SLC47A1: variants seen among roughly 807,000 people sequenced by gnomAD.
SLC47A1 encodes multidrug and toxin extrusion protein 1.
Under a neutral mutation model 65.8 loss-of-function variants are expected in SLC47A1, and 58 were observed. That is an observed-to-expected ratio of 0.88 (90% CI 0.71 to 1.10). The LOEUF is 1.10. Among genes scored for constraint, SLC47A1 ranks in the 50% least tolerant of loss-of-function variants. The pLI is 0.00. For synonymous variants in SLC47A1, 285 were observed against 295.0 expected, an observed-to-expected ratio of 0.97 and a Z score of 0.35; for missense variants, 706 against 719.2, an observed-to-expected ratio of 0.98 and a Z score of 0.21.
chr17:19,569,222 A>G (rs2084381601), intron 14 of SLC47A1, among the ~76,000 whole-genome samples: 1 of 151,808 alleles, frequency 6.6e-6, no homozygotes, highest in South Asian at 2.1e-4. Context: ...AAATACAAAA[A>G]TTAGCCAGGT....
chr17:19,565,695 C>G (rs1313998193), intron 12 of SLC47A1, among the ~76,000 whole-genome samples: 1 of 149,368 alleles, frequency 6.7e-6, no homozygotes, highest in African/African-American at 2.5e-5. Context: ...ATTCTCCTGT[C>G]TCAGCCTCCC....
intron 12 of SLC47A1, among the ~76,000 whole-genome samples, chr17:19,565,783 A>G (rs888137740): frequency 4.0e-5 from 6 of 151,604 alleles, no homozygotes; most frequent in African/African-American, 9.7e-5. Context: ...GGGTTTCACC[A>G]TGTTAGCCAG....
rs775445562 is a variant in SLC47A1, at chr17:19,577,404, CGCCAAGAAGAACCTTT to C, written c.1568_1583del (p.Gln523ArgfsTer28). On this transcript the variant is annotated frameshift_variant, in exon 17 of 17. Transcript: ENST00000270570. LOFTEE classifies it low-confidence loss of function (END_TRUNC). ...CGAGCCTCAGTCAGATCAGCAGATG[CGCCAAGAAGAACCTTT>C]GCCGGAACATCCACAGGACGGCGCT... is the stretch of plus-strand genomic sequence containing the variant. 1 of 1,614,162 alleles carries C rather than the reference CGCCAAGAAGAACCTTT, an allele frequency of 6.2e-7. No homozygotes were observed. Among genetic ancestry groups the C allele is most frequent in the South Asian group, 1.1e-5 (1 of 91,084 alleles).
At chr17:19,550,221 A>C (rs1191589135) in intron 5 of SLC47A1, among the ~76,000 whole-genome samples, 7 of 152,208 alleles carry the variant, frequency 4.6e-5, no homozygotes, top group Non-Finnish European at 8.8e-5. Context: ...TCCTGGGCTC[A>C]AGCCATCATC....
At chr17:19,543,817 A>G (rs1195635214) in intron 2 of SLC47A1, among the ~76,000 whole-genome samples, 3 of 152,148 alleles carry the variant, frequency 2.0e-5, no homozygotes, top group Non-Finnish European at 4.4e-5. Context: ...TCCTGCCCTG[A>G]CGGAGACACA....
intron 16 of SLC47A1, among the ~76,000 whole-genome samples, chr17:19,573,912 G>A (rs2152317810): frequency 6.8e-6 from 1 of 147,644 alleles, no homozygotes; most frequent in African/African-American, 2.5e-5. Flanking sequence ...TACTTCTTCT[G>A]GTTCATGCTT....
At chr17:19,561,874 G>C (rs1457450855) in intron 12 of SLC47A1, among the ~76,000 whole-genome samples, 1 of 152,128 alleles carries the variant, frequency 6.6e-6, no homozygotes, top group Non-Finnish European at 1.5e-5. Flanking sequence ...TGGTTTCTTA[G>C]TATCGGCCAA....
chr17:19,534,004 G>A lies in SLC47A1; in HGVS notation c.65G>A (p.Gly22Glu), dbSNP rs748267094. Residue 22 changes from glycine to glutamate, a missense_variant, in exon 1 of 17, where the codon GGG becomes GAG. Physicochemically the swap from Gly to Glu is moderately conservative, Grantham distance 98. Transcript: ENST00000270570. Reference protein sequence around the residue: ...GGPEATLEVRGSRCLRLSAFR... With the variant: ...GGPEATLEVRESRCLRLSAFR... ...CCGGAGGCCACCCTTGAGGTCCGTGGGTCGCGCTGCTTGCGGCTGTCCGCC... is the reference window on the plus strand; with the variant it reads ...CCGGAGGCCACCCTTGAGGTCCGTGAGTCGCGCTGCTTGCGGCTGTCCGCC... The A allele has an allele frequency of 1.9e-6, 3 of 1,545,364 alleles. No individual in the cohort carries two copies. The highest frequency in any genetic ancestry group is 1.7e-6 in the Non-Finnish European group (2 of 1,146,900).
intron 2 of SLC47A1, among the ~76,000 whole-genome samples, chr17:19,545,635 G>A (rs1171958897): frequency 2.0e-5 from 3 of 152,076 alleles, no homozygotes; most frequent in African/African-American, 7.2e-5. Context: ...GGGACTACAG[G>A]AGCATGCCAC....
At chr17:19,574,250 C>T (rs1362413297) in intron 16 of SLC47A1, among the ~76,000 whole-genome samples, 1 of 152,032 alleles carries the variant, frequency 6.6e-6, no homozygotes, top group Non-Finnish European at 1.5e-5. Flanking sequence ...TTGGATGCAG[C>T]CCTTTGGGGT....
chr17:19,555,997 A>G lies in SLC47A1; in HGVS notation c.856A>G (p.Ile286Val), dbSNP rs781446068. The G allele has an allele frequency of 1.2e-6, 2 of 1,614,046 alleles. No individual in the cohort carries two copies. The highest frequency in any genetic ancestry group is 1.7e-6 in the Non-Finnish European group (2 of 1,180,034). The change falls in exon 10 of 17, where the codon ATC becomes GTC. Residue 286 changes from isoleucine (I) to valine (V), a missense_variant and splice_region_variant. Transcript: ENST00000270570. ...CGACAGCTGTCTTTCTTCACCAGGC[A>G]TCCTCGGCATGGTGGAGCTGGGCGC... is the stretch of plus-strand genomic sequence containing the variant. ...AYEVGSFLSG[I>V]LGMVELGAQS... is the part of the protein sequence containing the mutation.
chr17:19,577,439 C>T lies in SLC47A1; in HGVS notation c.1599C>T (p.Asp533=), dbSNP rs780026703. ...QEEPLPEHPQ[D]GAKLSRKQLV... The stretch of plus-strand genomic sequence containing the variant: ...AACCTTTGCCGGAACATCCACAGGA[C>T]GGCGCTAAATTGTCCAGGAAACAGC... Residue 533 remains aspartate, a synonymous_variant, in exon 17 of 17, where the codon GAC becomes GAT. Coordinates refer to ENST00000270570, the MANE Select transcript of SLC47A1 (RefSeq NM_018242.3). 6 of 1,614,050 alleles carry T rather than the reference C, an allele frequency of 3.7e-6. No individual in the cohort carries two copies. Among genetic ancestry groups the T allele is most frequent in the Non-Finnish European group, 4.2e-6 (5 of 1,180,044 alleles).
At chr17:19,573,920 C>CT (rs397856610) in intron 16 of SLC47A1, among the ~76,000 whole-genome samples, 5,095 of 122,344 alleles carry the variant, frequency 0.042, 246 homozygotes, top group African/African-American at 0.12. Context: ...CTGGTTCATG[C>CT]TTTTTTTTTT....
At chr17:19,553,440 C>T (rs932387216) in intron 6 of SLC47A1, among the ~76,000 whole-genome samples, 4 of 152,106 alleles carry the variant, frequency 2.6e-5, no homozygotes, top group African/African-American at 7.2e-5. Flanking sequence ...GTCACATCCT[C>T]GACTCCATCT....
chr17:19,568,853 A>G (rs2084378838), intron 14 of SLC47A1, among the ~76,000 whole-genome samples: 1 of 151,766 alleles, frequency 6.6e-6, no homozygotes, highest in Admixed American at 6.6e-5. Flanking sequence ...CTCTACTTCT[A>G]TGAGTTCAAC....
At chr17:19,545,523 C>T (rs1480453983) in intron 2 of SLC47A1, among the ~76,000 whole-genome samples, 1 of 146,732 alleles carries the variant, frequency 6.8e-6, no homozygotes, top group East Asian at 2.0e-4. Flanking sequence ...CAGGGTCTCA[C>T]TCCATTGCCC....
chr17:19,575,422 AGG>A (rs2084432419), intron 16 of SLC47A1, among the ~76,000 whole-genome samples: 1 of 113,724 alleles, frequency 8.8e-6, no homozygotes, highest in Non-Finnish European at 1.8e-5. Context: ...TTTTTGAGAT[AGG>A]GTCTTGTTCT....
chr17:19,548,164 G>T, intron 4 of SLC47A1, 31 bp downstream of exon 4: 2 of 1,595,794 alleles, frequency 1.3e-6, no homozygotes, highest in South Asian at 2.2e-5. Flanking sequence ...GCGGGACTTG[G>T]CGTCCATCCC....
intron 3 of SLC47A1, among the ~76,000 whole-genome samples, chr17:19,547,627 T>G (rs992559574): frequency 6.6e-6 from 1 of 151,720 alleles, no homozygotes; most frequent in Non-Finnish European, 1.5e-5. Context: ...CCCCTGGTGA[T>G]GCTACTGGAA....
Sources: gnomAD v4.1 joint callset for allele counts (sites outside exome capture counted in the v4.1 genomes callset) on GRCh38, gnomAD v4.1.1 for gene constraint, MANE v1.5 for transcripts, NCBI Gene and HGNC (gene_info 2026-07-23, HGNC 2026-07-21) for gene names.